Variants in CUX1 observed in about 807,000 individuals in gnomAD.
CUX1 encodes the protein protein CASP.
Under a neutral mutation model 158.8 loss-of-function variants are expected in CUX1, and 31 were observed. That is an observed-to-expected ratio of 0.20 (90% CI 0.15 to 0.26). The LOEUF is 0.26. Among genes scored for constraint, CUX1 ranks in the 10% least tolerant of loss-of-function variants. The pLI, the probability that CUX1 is intolerant of heterozygous loss-of-function variation, is 1.00. For missense variants in CUX1, 1,589 were observed against 2,014.6 expected (o/e 0.79, Z 4.04); for synonymous variants, 879 against 862.1 (o/e 1.02, Z -0.34).
chr7:102,079,062 A>T (rs1221471873), intron 4 of CUX1, among the ~76,000 whole-genome samples: 3 of 152,234 alleles, frequency 2.0e-5, no homozygotes, highest in Non-Finnish European at 4.4e-5. Flanking sequence ...GGTTAAAATT[A>T]GAAAACACTG....
intron 15 of CUX1, among the ~76,000 whole-genome samples, chr7:102,273,737 T>C (rs1439081165): frequency 6.6e-6 from 1 of 152,236 alleles, no homozygotes; most frequent in African/African-American, 2.4e-5. Context: ...GAGGCCCGTC[T>C]TTCCAGGCAC....
chr7:102,144,115 C>T (rs1834766059), intron 8 of CUX1, among the ~76,000 whole-genome samples: 1 of 152,216 alleles, frequency 6.6e-6, no homozygotes, highest in South Asian at 2.1e-4. Context: ...TTCTTTTCCA[C>T]AGCTGCAGCC....
chr7:101,985,245 T>G (rs930453473), intron 2 of CUX1, among the ~76,000 whole-genome samples: 2 of 152,140 alleles, frequency 1.3e-5, no homozygotes, highest in Non-Finnish European at 2.9e-5. Flanking sequence ...CTTTCACCTT[T>G]GGTTCTGAGC....
At chr7:102,141,635 GT>G (rs1213268915) in intron 8 of CUX1, among the ~76,000 whole-genome samples, 5 of 151,944 alleles carry the variant, frequency 3.3e-5, no homozygotes, top group African/African-American at 1.2e-4. Flanking sequence ...CTTTGTTTTG[GT>G]TTTTGAGACA....
At position 102,215,103 on chromosome 7, in the gene CUX1, G is replaced by C. The variant is rs551973573; in HGVS notation, c.3130+9933G>C. On this transcript the variant is annotated intron_variant, in intron 20 of 23. Coordinates refer to ENST00000292535, the MANE Select transcript of CUX1 (RefSeq NM_181552.4). ...AGGGACACTCCTTCCTCGCCATCAG[G>C]CCTTCTCATTCCAGAGTTAAGGTCA... is the stretch of plus-strand genomic sequence containing the variant. 1.7e-4 allele frequency among the ~76,000 whole-genome samples: 26 copies of C among 152,268 alleles called. No homozygotes were observed. In the South Asian group the frequency reaches 5.2e-3, roughly 30 times the overall value.
chr7:102,230,016 C>A (rs6976246), intron 21 of CUX1, among the ~76,000 whole-genome samples: 12,425 of 152,202 alleles, frequency 0.082, 778 homozygotes, highest in African/African-American at 0.17. Flanking sequence ...TGGAAACCCA[C>A]CCTTTCTATC....
intron 11 of CUX1, among the ~76,000 whole-genome samples, chr7:102,185,112 C>T (rs1554514911): frequency 8.5e-5 from 13 of 152,260 alleles, no homozygotes; most frequent in African/African-American, 4.8e-5. Context: ...GGCTGAGATC[C>T]GCAGACCTTC....
chr7:102,225,760 T>C lies in CUX1; in HGVS notation c.3131-1607T>C, dbSNP rs183418848. On this transcript the variant is annotated intron_variant, in intron 20 of 23. Transcript: ENST00000292535. ...GTCCCAGCTACTTGCAAGGCTGAGG[T>C]GGGAGGATTGCTTGAGCACAGGATT... Among the ~76,000 whole-genome samples, 7 of 152,240 alleles carry C rather than the reference T, an allele frequency of 4.6e-5. No homozygotes were observed. In the East Asian group the frequency reaches 1.3e-3, roughly 29 times the overall value.
chr7:102,248,429 A>G lies in CUX1; in HGVS notation c.3905A>G (p.Glu1302Gly), dbSNP rs781932964. The G allele has an allele frequency of 1.3e-6, 2 of 1,597,686 alleles. No homozygotes were observed. Among genetic ancestry groups the G allele is most frequent in the East Asian group, 2.3e-5 (1 of 44,242 alleles). ...FHNYRSRIRR[E>G]LFIEEIQAGS... ...TCTTGTAGGTCTCGGATCCGCAGAG[A>G]ACTGTTCATTGAGGAAATTCAGGCC... Residue 1302 changes from glutamate (E) to glycine (G), a missense_variant, in exon 24 of 24, where the codon GAA becomes GGA. Glu to Gly is a moderately conservative substitution (Grantham distance 98). Transcript: ENST00000292535. This position sits in a 1 kb window ranked among gnomAD's most constrained non-coding sequence, Gnocchi z 5.8.
chr7:102,115,356 T>G, intron 8 of CUX1, 83 bp downstream of exon 8: 1 of 1,188,414 alleles, frequency 8.4e-7, no homozygotes. Context: ...GAGAAGGTTC[T>G]TGACCTCTGT....
At chr7:102,139,605 G>A (rs1197108199) in intron 8 of CUX1, among the ~76,000 whole-genome samples, 11 of 152,144 alleles carry the variant, frequency 7.2e-5, no homozygotes, top group Admixed American at 4.6e-4. Flanking sequence ...GACAGGCTGG[G>A]CAACATAGCA....
At chr7:101,988,752 G>T (rs571215759) in intron 2 of CUX1, among the ~76,000 whole-genome samples, 1 of 152,204 alleles carries the variant, frequency 6.6e-6, no homozygotes, top group South Asian at 2.1e-4. Flanking sequence ...TGTTATCTCA[G>T]CACTTTGGGA....
intron 2 of CUX1, among the ~76,000 whole-genome samples, chr7:101,917,562 T>C (rs917253979): frequency 1.3e-5 from 2 of 152,168 alleles, no homozygotes; most frequent in African/African-American, 4.8e-5. Flanking sequence ...GGGGGCCCTA[T>C]TCTCCATGTC....
In CUX1 at chr7:102,257,016, A is replaced by G; in HGVS notation, c.*7974A>G. On this transcript the variant is annotated 3_prime_UTR_variant, in exon 24 of 24. Coordinates refer to ENST00000292535, the MANE Select transcript of CUX1 (RefSeq NM_181552.4). ...CCTATAGGTGGTTCAACGTGGAGGA[A>G]GGTTGGGTGTGGAGATTGCTTGCTG... 1.0e-6 allele frequency: 1 copy of G among 985,390 alleles called. No individual in the cohort carries two copies. The highest frequency in any genetic ancestry group is 1.2e-6 in the Non-Finnish European group (1 of 829,944). 61.0% of individuals were successfully genotyped at this position (985,390 alleles called of 1,614,324 possible).
At position 102,189,835 on chromosome 7, in the gene CUX1, G is replaced by T. The variant is rs1418723802; in HGVS notation, c.1040G>T (p.Gly347Val). The T allele has an allele frequency of 8.1e-6, 13 of 1,614,260 alleles. No homozygotes were observed. In the East Asian group the frequency reaches 2.9e-4, roughly 36 times the overall value. Residue 347 changes from glycine (G) to valine (V), a missense_variant, in exon 12 of 24, where the codon GGC becomes GTC. Physicochemically the swap from Gly to Val is moderately radical, Grantham distance 109. Around this residue, in one of 8 missense-constraint regions of CUX1, gnomAD observed 515 missense variants for 574.4 expected, o/e 0.90. Transcript: ENST00000292535. ...TLKQLEEKLK[G>V]QADYEEVKKE... ...CAGCAACTGGAAGAAAAACTCAAAGGCCAGGCTGACTATGAAGAGGTGAAG... is the reference window on the plus strand; with the variant it reads ...CAGCAACTGGAAGAAAAACTCAAAGTCCAGGCTGACTATGAAGAGGTGAAG...
Position 101,983,949 on chromosome 7 carries a change from G to A in CUX1, c.142-44149G>A, listed in dbSNP as rs553241332. ...CTCAGGAGGCTGAGGCAGGAAAATCGCTTGAACCCGGGAGGCAGAGGTTAC... is the reference window on the plus strand; with the variant it reads ...CTCAGGAGGCTGAGGCAGGAAAATCACTTGAACCCGGGAGGCAGAGGTTAC... On this transcript the variant is annotated intron_variant, in intron 2 of 23. Transcript: ENST00000292535. Among the ~76,000 whole-genome samples, 27 of 150,706 alleles carry A rather than the reference G, an allele frequency of 1.8e-4. No individual in the cohort carries two copies. In the East Asian group the frequency reaches 3.9e-3, roughly 22 times the overall value.
chr7:102,018,551 G>A (rs1445863253), intron 2 of CUX1, among the ~76,000 whole-genome samples: 1 of 152,188 alleles, frequency 6.6e-6, no homozygotes, highest in Non-Finnish European at 1.5e-5. Flanking sequence ...CTGATCCCCA[G>A]ATGCCAACGA....
At chr7:102,043,363 GTGTGTGT>G (rs1213483908) in intron 3 of CUX1, among the ~76,000 whole-genome samples, 1 of 148,816 alleles carries the variant, frequency 6.7e-6, no homozygotes, top group African/African-American at 2.5e-5. Context: ...GTGTGTGTGT[GTGTGTGT>G]TGAGAACACT....
intron 2 of CUX1, among the ~76,000 whole-genome samples, chr7:101,937,183 G>A (rs1807043089): frequency 6.6e-6 from 1 of 152,118 alleles, no homozygotes; most frequent in Non-Finnish European, 1.5e-5. Context: ...TGTGCTGCGT[G>A]GCCCCCTGAA....
Sources: allele counts gnomAD v4.1 joint callset (sites outside exome capture counted in the v4.1 genomes callset), GRCh38; gene constraint gnomAD v4.1.1; regional missense constraint gnomAD v4.1.1; non-coding constraint Gnocchi (gnomAD v3.1); transcripts MANE v1.5; gene names NCBI Gene and HGNC (gene_info 2026-07-23, HGNC 2026-07-21).